Variants in WDR1 observed in about 807,000 individuals in gnomAD.
The protein encoded by WDR1 is WD repeat domain 1.
WDR1 carries 21 observed loss-of-function variants against 71.9 expected under a neutral mutation model. The ratio of observed to expected loss-of-function variants is 0.29; its 90% CI spans 0.21 to 0.42. The LOEUF (loss-of-function observed/expected upper bound fraction) is 0.42, where lower values mean the gene tolerates loss of function less well. Ranked by LOEUF, WDR1 falls within the 10% of genes least tolerant of loss-of-function variation. The pLI is 1.00. For synonymous variants in WDR1, 424 were observed against 347.4 expected (o/e 1.22, Z -2.45); for missense variants, 696 against 824.5 (o/e 0.84, Z 1.91).
intron 2 of WDR1, among the ~76,000 whole-genome samples, chr4:10,113,004 G>T (rs1049720870): frequency 1.3e-5 from 2 of 152,242 alleles, no homozygotes; most frequent in Non-Finnish European, 2.9e-5. Flanking sequence ...GAAGGCCGGG[G>T]ATGGAAAATT....
At position 10,084,533 on chromosome 4, in the gene WDR1, G is replaced by T; in HGVS notation, c.952-3C>A. On this transcript the variant is annotated splice_polypyrimidine_tract_variant and splice_region_variant and intron_variant, in intron 8 of 14. Coordinates refer to ENST00000499869, the MANE Select transcript of WDR1 (RefSeq NM_017491.5). ...CACTGGATCGATTTACTGTGACCCTGTGAAGGAGACACACTGGGCGGGTAA... is the reference window on the plus strand; with the variant it reads ...CACTGGATCGATTTACTGTGACCCTTTGAAGGAGACACACTGGGCGGGTAA... 1 of 1,613,642 alleles carries T rather than the reference G, an allele frequency of 6.2e-7. No individual in the cohort carries two copies. The highest frequency in any genetic ancestry group is 1.1e-5 in the South Asian group (1 of 91,038).
chr4:10,098,384 CCATT>C (rs1712484392), intron 4 of WDR1, among the ~76,000 whole-genome samples: 1 of 152,224 alleles, frequency 6.6e-6, no homozygotes, highest in Non-Finnish European at 1.5e-5. Context: ...CGAGAAAGTG[CCATT>C]CAGTGAAGAA....
chr4:10,112,462 C>T (rs1024205419), intron 2 of WDR1, among the ~76,000 whole-genome samples: 3 of 152,198 alleles, frequency 2.0e-5, no homozygotes, highest in African/African-American at 7.2e-5. Context: ...TAGTCTTTCA[C>T]TCTACAGAGG....
chr4:10,088,842 C>A, intron 5 of WDR1, 101 bp from the exon 6 acceptor site: 1 of 914,334 alleles, frequency 1.1e-6, no homozygotes, highest in Non-Finnish European at 1.8e-6. Context: ...AGCTGTTCAT[C>A]AGTGTGAACT....
intron 2 of WDR1, among the ~76,000 whole-genome samples, chr4:10,108,737 T>G (rs1713174345): frequency 6.6e-6 from 1 of 152,250 alleles, no homozygotes; most frequent in South Asian, 2.1e-4. Flanking sequence ...TGTAAACTTC[T>G]GCGACAACAC....
At chr4:10,093,762 G>A (rs1467515084) in intron 5 of WDR1, among the ~76,000 whole-genome samples, 1 of 152,116 alleles carries the variant, frequency 6.6e-6, no homozygotes, top group African/African-American at 2.4e-5. Context: ...GGTGGCGCGT[G>A]CTGAAGACAA....
chr4:10,090,424 G>T (rs1439118355), intron 5 of WDR1, among the ~76,000 whole-genome samples: 1 of 152,204 alleles, frequency 6.6e-6, no homozygotes, highest in African/African-American at 2.4e-5. Context: ...AGAAGATACA[G>T]ACACCGTTCA....
At chr4:10,075,563 A>G in intron 14 of WDR1, 79 bp from the exon 15 acceptor site, 1 of 1,322,706 alleles carries the variant, frequency 7.6e-7, no homozygotes, top group Non-Finnish European at 1.1e-6. Flanking sequence ...AAGATGGAAC[A>G]ACCTGTGCCT....
At chr4:10,115,971 G>A (rs1192954327) in intron 2 of WDR1, 142 bp downstream of exon 2, 3 of 1,166,222 alleles carry the variant, frequency 2.6e-6, no homozygotes, top group South Asian at 3.1e-5. Flanking sequence ...GGGCTCCGAG[G>A]TGTGGCTCCC....
intron 9 of WDR1, among the ~76,000 whole-genome samples, chr4:10,084,197 C>T (rs556416419): frequency 1.2e-4 from 19 of 152,334 alleles, no homozygotes; most frequent in South Asian, 1.2e-3. Flanking sequence ...AGGGACTGAT[C>T]AGGTCGGAGC....
intron 4 of WDR1, among the ~76,000 whole-genome samples, chr4:10,098,441 G>C (rs967688354): frequency 1.3e-5 from 2 of 152,216 alleles, no homozygotes; most frequent in African/African-American, 4.8e-5. Flanking sequence ...GGCCAGCCAT[G>C]GTGCTGCAGG....
intron 3 of WDR1, among the ~76,000 whole-genome samples, chr4:10,099,597 T>C (rs1712566642): frequency 6.6e-6 from 1 of 152,276 alleles, no homozygotes; most frequent in African/African-American, 2.4e-5. Flanking sequence ...GCCTCTCCTT[T>C]GCAGTTGCTG....
intron 14 of WDR1, chr4:10,076,007 C>T: frequency 6.4e-6 from 1 of 156,788 alleles, no homozygotes; most frequent in Non-Finnish European, 1.4e-5. Context: ...TCCACCCAAC[C>T]GAGATGCCAA....
intron 2 of WDR1, among the ~76,000 whole-genome samples, chr4:10,114,684 C>G (rs1369028286): frequency 6.6e-6 from 1 of 152,252 alleles, no homozygotes; most frequent in South Asian, 2.1e-4. Context: ...GCCTCAGGAC[C>G]TGCCTTCGGA....
intron 3 of WDR1, 27 bp from the exon 4 acceptor site, chr4:10,099,166 G>T (rs757424002): frequency 3.8e-6 from 5 of 1,315,958 alleles, no homozygotes; most frequent in South Asian, 3.7e-5. Flanking sequence ...GCGGGGGAGG[G>T]GGGGAGGCGG....
intron 2 of WDR1, among the ~76,000 whole-genome samples, chr4:10,109,980 G>A (rs1021999247): frequency 5.3e-5 from 8 of 152,102 alleles, no homozygotes; most frequent in African/African-American, 9.7e-5. Context: ...TCCCACTCTC[G>A]CAGGCATGGA....
At chr4:10,090,026 C>T (rs529094495) in intron 5 of WDR1, among the ~76,000 whole-genome samples, 14 of 152,274 alleles carry the variant, frequency 9.2e-5, no homozygotes, top group Non-Finnish European at 2.1e-4. Context: ...GACACAGATA[C>T]AGAGTTGGGG....
At chr4:10,087,314 G>C (rs1429326351) in intron 8 of WDR1, among the ~76,000 whole-genome samples, 20 of 152,280 alleles carry the variant, frequency 1.3e-4, no homozygotes, top group Non-Finnish European at 2.2e-4. Flanking sequence ...CCCGTCACCT[G>C]CCCTGGTGCT....
intron 5 of WDR1, chr4:10,096,682 T>C (rs1712369311): frequency 6.6e-6 from 1 of 152,274 alleles, no homozygotes; most frequent in Non-Finnish European, 1.5e-5. Flanking sequence ...GCAGGCTATT[T>C]ATGATTCATG....
Sources: gnomAD v4.1 joint callset for allele counts (sites outside exome capture counted in the v4.1 genomes callset) on GRCh38, gnomAD v4.1.1 for gene constraint, MANE v1.5 for transcripts, NCBI Gene and HGNC (gene_info 2026-07-23, HGNC 2026-07-21) for gene names.